Variants in XKR6 observed in about 807,000 individuals in gnomAD.
XKR6 encodes the protein XK-related protein 6.
A neutral mutation model predicts 56.7 loss-of-function variants in XKR6; 22 were observed. The observed-to-expected ratio is 0.39, with a 90% confidence interval of 0.28 to 0.55. XKR6 has a LOEUF of 0.55. Among genes scored for constraint, XKR6 ranks in the 20% least tolerant of loss-of-function variants. The pLI is 0.66. For missense variants in XKR6, 852 were observed against 889.0 expected (o/e 0.96, Z 0.53); for synonymous variants, 524 against 387.8 (o/e 1.35, Z -4.13).
intron 1 of XKR6, among the ~76,000 whole-genome samples, chr8:11,002,798 A>T (rs1487546734): frequency 6.6e-6 from 1 of 152,218 alleles, no homozygotes; most frequent in African/African-American, 2.4e-5. Context: ...GATAGAAGGG[A>T]AATAAACACA....
At chr8:11,070,231 C>T (rs1301273602) in intron 1 of XKR6, among the ~76,000 whole-genome samples, 2 of 152,188 alleles carry the variant, frequency 1.3e-5, no homozygotes, top group Non-Finnish European at 2.9e-5. Flanking sequence ...TGCCCTGCGT[C>T]TTGGTTTATG....
chr8:11,094,085 T>TC (rs1374823528), intron 1 of XKR6, among the ~76,000 whole-genome samples: 2 of 147,270 alleles, frequency 1.4e-5, no homozygotes, highest in Non-Finnish European at 3.0e-5. Flanking sequence ...CGCCCGGCCT[T>TC]TTTTTTTTTT....
At chr8:10,899,844 A>G (rs1799985559) in intron 2 of XKR6, among the ~76,000 whole-genome samples, 1 of 152,228 alleles carries the variant, frequency 6.6e-6, no homozygotes, top group South Asian at 2.1e-4. Flanking sequence ...ATTGCCATAG[A>G]ACAATTTTAT....
intron 1 of XKR6, among the ~76,000 whole-genome samples, chr8:11,193,002 C>T (rs563144584): frequency 4.6e-5 from 7 of 152,074 alleles, no homozygotes; most frequent in South Asian, 2.1e-4. Context: ...CTATTTAAGA[C>T]GGAAAGAAAA....
At chr8:11,187,628 A>G (rs1359476534) in intron 1 of XKR6, among the ~76,000 whole-genome samples, 2 of 152,186 alleles carry the variant, frequency 1.3e-5, no homozygotes, top group Non-Finnish European at 2.9e-5. Flanking sequence ...ACAACAAAAA[A>G]GAAAACAACC....
At chr8:10,981,199 G>A (rs1222919499) in intron 1 of XKR6, among the ~76,000 whole-genome samples, 1 of 152,282 alleles carries the variant, frequency 6.6e-6, no homozygotes, top group East Asian at 1.9e-4. Context: ...GGCAGCTGTG[G>A]CCACTTTTCC....
intron 1 of XKR6, among the ~76,000 whole-genome samples, chr8:11,053,108 G>T (rs922930944): frequency 6.6e-6 from 1 of 152,206 alleles, no homozygotes; most frequent in Non-Finnish European, 1.5e-5. Flanking sequence ...CCAAGGGACC[G>T]CAGGCTTCCT....
At chr8:11,180,889 T>C (rs906621859) in intron 1 of XKR6, among the ~76,000 whole-genome samples, 1 of 152,204 alleles carries the variant, frequency 6.6e-6, no homozygotes, top group Middle Eastern at 3.2e-3. Flanking sequence ...CCTGAGCAAC[T>C]GAGCAAGACC....
At chr8:11,029,307 C>A (rs1417963036) in intron 1 of XKR6, among the ~76,000 whole-genome samples, 1 of 152,140 alleles carries the variant, frequency 6.6e-6, no homozygotes, top group East Asian at 1.9e-4. Flanking sequence ...CTTTAGGAGA[C>A]CCTTACAGAC....
At chr8:11,190,280 GAAAAT>G (rs1303773310) in intron 1 of XKR6, among the ~76,000 whole-genome samples, 4 of 151,056 alleles carry the variant, frequency 2.6e-5, no homozygotes, top group East Asian at 1.9e-4. Context: ...GAAAAGAAAG[GAAAAT>G]AAAAGAAAAG....
At chr8:10,966,668 T>C (rs1290866392) in intron 1 of XKR6, among the ~76,000 whole-genome samples, 1 of 152,076 alleles carries the variant, frequency 6.6e-6, no homozygotes, top group Non-Finnish European at 1.5e-5. Flanking sequence ...AGTGAGACTC[T>C]GTCTCAAAAA....
At chr8:10,984,722 C>CTATA (rs1353804781) in intron 1 of XKR6, among the ~76,000 whole-genome samples, 32 of 79,218 alleles carry the variant, frequency 4.0e-4, no homozygotes, top group African/African-American at 1.4e-3. Context: ...CTCTCTCTCT[C>CTATA]TCTCTCTCTC....
chr8:10,984,825 A>G (rs1797824103), intron 1 of XKR6, among the ~76,000 whole-genome samples: 1 of 150,792 alleles, frequency 6.6e-6, no homozygotes. Flanking sequence ...AAGAATGGAA[A>G]GCCATCTGAT....
chr8:11,077,377 G>C (rs1377327499), intron 1 of XKR6, among the ~76,000 whole-genome samples: 2 of 152,148 alleles, frequency 1.3e-5, no homozygotes, highest in East Asian at 3.9e-4. Context: ...GGGTCACATG[G>C]GGTGCCTGCA....
At chr8:10,950,868 A>G (rs191453048) in intron 1 of XKR6, among the ~76,000 whole-genome samples, 27 of 152,230 alleles carry the variant, frequency 1.8e-4, no homozygotes, top group African/African-American at 6.5e-4. Context: ...AAAGCCTCAC[A>G]ATTGCCCATT....
intron 1 of XKR6, among the ~76,000 whole-genome samples, chr8:11,198,148 T>C (rs138775096): frequency 5.3e-5 from 8 of 152,346 alleles, no homozygotes; most frequent in East Asian, 1.9e-4. Context: ...TTCAAACACA[T>C]TGACAAGCAA....
At chr8:11,083,674 G>A (rs894735117) in intron 1 of XKR6, among the ~76,000 whole-genome samples, 7 of 152,080 alleles carry the variant, frequency 4.6e-5, no homozygotes, top group African/African-American at 7.2e-5. Flanking sequence ...ACAATTATAC[G>A]TAAAAGTCAA....
chr8:11,048,828 C>T (rs992360667), intron 1 of XKR6, among the ~76,000 whole-genome samples: 1 of 152,228 alleles, frequency 6.6e-6, no homozygotes, highest in Non-Finnish European at 1.5e-5. Flanking sequence ...ACAGCCTCTG[C>T]TCTGTCCTCT....
At position 10,978,331 on chromosome 8, in the gene XKR6, C is replaced by T. The variant is rs1051910013; in HGVS notation, c.765-53501G>A. Among the ~76,000 whole-genome samples, 4 of 152,232 alleles carry T rather than the reference C, an allele frequency of 2.6e-5. No homozygotes were observed. In the East Asian group the frequency reaches 7.7e-4, roughly 29 times the overall value. ...AATGAATAATGTTTAAGCCATCCAA[C>T]ACTGGCCAATTTGAGAAACTTAATA... On this transcript the variant is annotated intron_variant, in intron 1 of 2. Coordinates refer to ENST00000416569, the MANE Select transcript of XKR6 (RefSeq NM_173683.4).
Sources: gnomAD v4.1 joint callset for allele counts (sites outside exome capture counted in the v4.1 genomes callset) on GRCh38, gnomAD v4.1.1 for gene constraint, MANE v1.5 for transcripts, NCBI Gene and HGNC (gene_info 2026-07-23, HGNC 2026-07-21) for gene names.